Variants in OR51B5 observed in about 807,000 individuals in gnomAD.
The protein encoded by OR51B5 is olfactory receptor family 51 subfamily B member 5, also known as olfactory receptor 51B5.
For missense variants in OR51B5, 456 were observed against 374.6 expected (o/e 1.22, Z -1.79); for synonymous variants, 186 against 144.8 (o/e 1.28, Z -2.04).
chr11:5,471,194 T>C (rs1851222723), intron 1 of OR51B5, among the ~76,000 whole-genome samples: 1 of 152,210 alleles, frequency 6.6e-6, no homozygotes, highest in Non-Finnish European at 1.5e-5. Flanking sequence ...GTTATTTGAT[T>C]AGTATCTTTG....
chr11:5,413,073 T>G (rs991422646), intron 1 of OR51B5, among the ~76,000 whole-genome samples: 2 of 152,066 alleles, frequency 1.3e-5, no homozygotes, highest in Non-Finnish European at 2.9e-5. Flanking sequence ...GGCCTGATAC[T>G]CCTCTGAGAC....
chr11:5,466,210 A>C (rs1851136910), intron 1 of OR51B5, among the ~76,000 whole-genome samples: 1 of 152,212 alleles, frequency 6.6e-6, no homozygotes, highest in Non-Finnish European at 1.5e-5. Flanking sequence ...AGTTTGAACA[A>C]ATATATTTTA....
At chr11:5,351,548 G>C (rs764044004) in intron 1 of OR51B5, 1 of 1,613,666 alleles carries the variant, frequency 6.2e-7, no homozygotes, top group South Asian at 1.1e-5. Flanking sequence ...CAGCTTACTG[G>C]CTTCCCAGGC....
intron 1 of OR51B5, among the ~76,000 whole-genome samples, chr11:5,483,003 C>T (rs1262392326): frequency 7.0e-5 from 9 of 128,148 alleles, no homozygotes; most frequent in East Asian, 2.5e-4. Context: ...CATCCCATTA[C>T]TGGGTATATA....
rs377349139 is a variant in OR51B5, at chr11:5,458,466, A to G, written n.84+47103T>C. Among the ~76,000 whole-genome samples, 139 of 152,262 alleles carry G rather than the reference A, an allele frequency of 9.1e-4. 3 individuals carry two copies. The highest frequency in any genetic ancestry group is 3.3e-3 in the African/African-American group (136 of 41,550). ...ATTCTTTTTTGTTTGTTTTATATGA[A>G]TTTTAGAATAGTTTCCCTAATTCTG... is the stretch of plus-strand genomic sequence containing the variant. On this transcript the variant is annotated intron_variant and non_coding_transcript_variant, in intron 1 of 4. Transcript: ENST00000415970.
At chr11:5,459,939 C>T (rs944618965) in intron 1 of OR51B5, among the ~76,000 whole-genome samples, 2 of 152,130 alleles carry the variant, frequency 1.3e-5, no homozygotes, top group South Asian at 4.1e-4. Flanking sequence ...ATGTTCACTG[C>T]AGCACTATTC....
At chr11:5,365,405 G>A (rs1849348753) in intron 1 of OR51B5, among the ~76,000 whole-genome samples, 1 of 152,160 alleles carries the variant, frequency 6.6e-6, no homozygotes, top group Non-Finnish European at 1.5e-5. Flanking sequence ...TGGGATGAGA[G>A]ACAAGATCAA....
At chr11:5,345,717 T>C (rs141115898), upstream of OR51B5, 47 of 152,268 alleles carry the variant, frequency 3.1e-4, no homozygotes, top group African/African-American at 1.0e-3. Flanking sequence ...TCAGAGTTAC[T>C]TTGTCAGTGT....
At chr11:5,350,179 G>T (rs1244533178) in intron 1 of OR51B5, among the ~76,000 whole-genome samples, 9 of 152,074 alleles carry the variant, frequency 5.9e-5, no homozygotes, top group Non-Finnish European at 1.3e-4. Flanking sequence ...TGTGTCAAGA[G>T]AATGACTGAG....
At chr11:5,423,158 A>G in intron 1 of OR51B5, 1 of 1,578,508 alleles carries the variant, frequency 6.3e-7, no homozygotes, top group Non-Finnish European at 8.6e-7. Context: ...AAGATGAGGG[A>G]ATGCATTTCT....
chr11:5,369,399 A>G (rs1849418398), intron 1 of OR51B5, among the ~76,000 whole-genome samples: 1 of 152,190 alleles, frequency 6.6e-6, no homozygotes, highest in Non-Finnish European at 1.5e-5. Flanking sequence ...TAACACTTTT[A>G]GGAGAATTAC....
At chr11:5,478,504 G>A (rs1163276042) in intron 1 of OR51B5, among the ~76,000 whole-genome samples, 1 of 150,446 alleles carries the variant, frequency 6.6e-6, no homozygotes, top group African/African-American at 2.4e-5. Context: ...GAACAAAGCT[G>A]GATGGAGAAT....
chr11:5,464,686 T>C (rs1487840043), intron 1 of OR51B5, among the ~76,000 whole-genome samples: 17 of 151,644 alleles, frequency 1.1e-4, no homozygotes, highest in Non-Finnish European at 1.5e-4. Context: ...CAGTCTATCA[T>C]TGTTGGACAT....
chr11:5,372,736 G>A (rs1018488570), intron 1 of OR51B5, among the ~76,000 whole-genome samples: 2 of 152,018 alleles, frequency 1.3e-5, no homozygotes, highest in African/African-American at 2.4e-5. Context: ...TCTTTGCTGT[G>A]CAGAAAATAT....
intron 1 of OR51B5, among the ~76,000 whole-genome samples, chr11:5,427,924 T>C (rs2133766010): frequency 6.6e-6 from 1 of 152,242 alleles, no homozygotes; most frequent in East Asian, 1.9e-4. Flanking sequence ...CAGTGCATGG[T>C]CAAAACTTTT....
At chr11:5,411,603 A>G (rs1269275478) in intron 1 of OR51B5, among the ~76,000 whole-genome samples, 1 of 152,214 alleles carries the variant, frequency 6.6e-6, no homozygotes, top group Non-Finnish European at 1.5e-5. Context: ...CCTGTAAGAA[A>G]AGTCCACATC....
chr11:5,373,677 A>G (rs886275500), intron 1 of OR51B5, among the ~76,000 whole-genome samples: 1 of 152,186 alleles, frequency 6.6e-6, no homozygotes, highest in Admixed American at 6.5e-5. Context: ...AGGAGATTAT[A>G]TCCTGCACAT....
chr11:5,390,325 G>C, intron 1 of OR51B5: 1 of 1,613,150 alleles, frequency 6.2e-7, no homozygotes, highest in Admixed American at 1.7e-5. Context: ...TTAAGACCAA[G>C]GAGATCCACC....
At chr11:5,427,995 C>A (rs1329825355) in intron 1 of OR51B5, among the ~76,000 whole-genome samples, 2 of 151,966 alleles carry the variant, frequency 1.3e-5, no homozygotes, top group Non-Finnish European at 2.9e-5. Flanking sequence ...AAATATCTGA[C>A]TGTTAAAGAA....
Sources: gnomAD v4.1 joint callset for allele counts (sites outside exome capture counted in the v4.1 genomes callset) on GRCh38, gnomAD v4.1.1 for gene constraint, MANE v1.5 for transcripts, NCBI Gene and HGNC (gene_info 2026-07-23, HGNC 2026-07-21) for gene names.